Variants in PLCH1 observed in about 807,000 individuals in gnomAD.
The protein encoded by PLCH1 is phospholipase C eta 1, also known as 1-phosphatidylinositol 4,5-bisphosphate phosphodiesterase eta-1.
In PLCH1, 60 loss-of-function variants were observed where a neutral mutation model predicts 126.7. That is an observed-to-expected ratio of 0.47 (90% CI 0.38 to 0.59). The LOEUF is 0.59. Ranked by LOEUF, PLCH1 falls within the 20% of genes least tolerant of loss-of-function variation. PLCH1 has a pLI of 0.00. For synonymous variants in PLCH1, 719 were observed against 734.9 expected, an observed-to-expected ratio of 0.98 and a Z score of 0.35; for missense variants, 1,723 against 2,040.0, an observed-to-expected ratio of 0.84 and a Z score of 2.99.
chr3:155,733,934 C>CAT (rs35149793), intron 1 of PLCH1, among the ~76,000 whole-genome samples: 3,615 of 96,382 alleles, frequency 0.038, 107 homozygotes, highest in Non-Finnish European at 0.049. Context: ...AACAGGTATA[C>CAT]ATATATATAT....
chr3:155,524,083 C>A (rs1721577775), intron 10 of PLCH1, 79 bp from the exon 11 acceptor site: 4 of 837,988 alleles, frequency 4.8e-6, no homozygotes, highest in Non-Finnish European at 8.1e-6. Flanking sequence ...CCCAAGCATC[C>A]ATTGATGGAT....
chr3:155,612,539 A>T lies in PLCH1; in HGVS notation c.80-16161T>A, dbSNP rs1735242642. Among the ~76,000 whole-genome samples the T allele has an allele frequency of 2.6e-5, 4 of 152,296 alleles. No homozygotes were observed. In the South Asian group the frequency reaches 8.3e-4, roughly 32 times the overall value. ...AAACTAAAACTAACAAACAACAAAA[A>T]AAAAAGATAAATGAACAAAAAGCTG... On this transcript the variant is annotated intron_variant, in intron 2 of 22. Transcript: ENST00000460012.
At chr3:155,561,987 G>T (rs1385169922) in intron 8 of PLCH1, among the ~76,000 whole-genome samples, 1 of 152,078 alleles carries the variant, frequency 6.6e-6, no homozygotes, top group Non-Finnish European at 1.5e-5. Context: ...TCACCATGTT[G>T]GCCAGGCTGG....
intron 2 of PLCH1, among the ~76,000 whole-genome samples, chr3:155,690,685 A>G (rs1344236225): frequency 2.0e-5 from 3 of 151,944 alleles, no homozygotes; most frequent in Admixed American, 2.0e-4. Flanking sequence ...CAAGTTTCCA[A>G]CCTCTCAATG....
chr3:155,536,334 C>A (rs1018700139), intron 10 of PLCH1, among the ~76,000 whole-genome samples: 3 of 152,166 alleles, frequency 2.0e-5, no homozygotes, highest in African/African-American at 7.2e-5. Flanking sequence ...AAATCCCTGA[C>A]TTGCCAGCAA....
intron 2 of PLCH1, among the ~76,000 whole-genome samples, chr3:155,617,816 C>T (rs1295809275): frequency 6.6e-6 from 1 of 152,162 alleles, no homozygotes; most frequent in African/African-American, 2.4e-5. Context: ...ACCTTCTCTA[C>T]CCAGTCCCTG....
chr3:155,589,182 G>T (rs908313158), intron 4 of PLCH1, among the ~76,000 whole-genome samples: 6 of 152,114 alleles, frequency 3.9e-5, no homozygotes, highest in African/African-American at 1.4e-4. Context: ...ATCTAGCACA[G>T]GGGAGGGCAA....
intron 8 of PLCH1, among the ~76,000 whole-genome samples, chr3:155,559,027 T>C (rs576848933): frequency 1.2e-4 from 19 of 152,192 alleles, no homozygotes; most frequent in Non-Finnish European, 2.5e-4. Flanking sequence ...ACCTCTCCTC[T>C]ATGTTGTGCT....
At chr3:155,559,378 C>T (rs1043321874) in intron 8 of PLCH1, among the ~76,000 whole-genome samples, 1 of 151,998 alleles carries the variant, frequency 6.6e-6, no homozygotes, top group East Asian at 1.9e-4. Flanking sequence ...CTTTTCCTTC[C>T]TACAATACAT....
rs1433130727 is a variant in PLCH1, at chr3:155,458,504, G to T, written c.2938+26852C>A. 2.1e-4 allele frequency among the ~76,000 whole-genome samples: 22 copies of T among 105,590 alleles called. 4 individuals are homozygous for T. The highest frequency in any genetic ancestry group is 1.3e-3 in the African/African-American group (21 of 15,784). 69.3% of individuals were successfully genotyped at this position (105,590 alleles called of 152,430 possible). A position where few individuals can be genotyped will look rare whatever the true frequency, so the allele number is the denominator to read the frequency against. On this transcript the variant is annotated intron_variant, in intron 21 of 21. Coordinates refer to the PLCH1 transcript ENST00000494598. ...AAAGAAAGAAAGAAAGAAAGAGAAA[G>T]AAGAGAGAGAAATAAGAAAGAGAAA...
intron 9 of PLCH1, among the ~76,000 whole-genome samples, chr3:155,552,962 G>A (rs2108462954): frequency 6.6e-6 from 1 of 152,260 alleles, no homozygotes; most frequent in African/African-American, 2.4e-5. Flanking sequence ...AAGAGGAAAT[G>A]GAGCGAGAAT....
intron 2 of PLCH1, among the ~76,000 whole-genome samples, chr3:155,692,028 TAAA>T (rs543180678): frequency 7.2e-6 from 1 of 139,072 alleles, no homozygotes; most frequent in Non-Finnish European, 1.6e-5. Flanking sequence ...AGACTCTGTC[TAAA>T]AAAAAAAAAA....
chr3:155,614,264 C>T (rs887552159), intron 2 of PLCH1, among the ~76,000 whole-genome samples: 1 of 151,894 alleles, frequency 6.6e-6, no homozygotes, highest in African/African-American at 2.4e-5. Flanking sequence ...ATCAAAATAC[C>T]ATCATTTTTT....
intron 2 of PLCH1, among the ~76,000 whole-genome samples, chr3:155,668,167 G>T (rs1457556897): frequency 2.0e-5 from 3 of 150,934 alleles, no homozygotes; most frequent in Non-Finnish European, 4.4e-5. Context: ...AACACTATTT[G>T]CAGTAACAAT....
intron 6 of PLCH1, among the ~76,000 whole-genome samples, chr3:155,578,246 G>A (rs149051706): frequency 1.3e-3 from 197 of 152,172 alleles, no homozygotes; most frequent in African/African-American, 4.4e-3. Context: ...CCTGTCTTAC[G>A]GCTAACATTG....
intron 7 of PLCH1, among the ~76,000 whole-genome samples, chr3:155,566,501 T>C (rs890334023): frequency 4.0e-5 from 6 of 151,558 alleles, no homozygotes. Context: ...AAAACCATAG[T>C]GATACCAAGA....
intron 2 of PLCH1, among the ~76,000 whole-genome samples, chr3:155,602,618 C>T (rs1189918090): frequency 6.6e-6 from 1 of 152,160 alleles, no homozygotes; most frequent in Non-Finnish European, 1.5e-5. Context: ...TCCTAGGCTA[C>T]AAACCTGTAC....
intron 10 of PLCH1, among the ~76,000 whole-genome samples, chr3:155,544,468 G>A (rs897054368): frequency 6.6e-6 from 1 of 152,112 alleles, no homozygotes; most frequent in African/African-American, 2.4e-5. Flanking sequence ...GTCAACATTA[G>A]ACAGATCAAC....
chr3:155,483,178 T>C (rs950082851), intron 22 of PLCH1, 127 bp from the exon 23 acceptor site: 22 of 1,006,418 alleles, frequency 2.2e-5, no homozygotes, highest in Non-Finnish European at 7.5e-6. Flanking sequence ...AATATAATTA[T>C]GGATTGCATA....
Sources: gnomAD v4.1 joint callset for allele counts (sites outside exome capture counted in the v4.1 genomes callset) on GRCh38, gnomAD v4.1.1 for gene constraint, MANE v1.5 for transcripts, NCBI Gene and HGNC (gene_info 2026-07-23, HGNC 2026-07-21) for gene names.